Variants in GNA14 observed in about 807,000 individuals in gnomAD.
GNA14 encodes guanine nucleotide-binding protein subunit alpha-14.
GNA14 carries 50 observed loss-of-function variants against 42.0 expected under a neutral mutation model. That is an observed-to-expected ratio of 1.19 (90% CI 0.95 to 1.51). GNA14 has a LOEUF of 1.51. Among genes scored for constraint, GNA14 ranks in the 40% most tolerant of loss-of-function variants. The probability of loss-of-function intolerance (pLI) is 0.00; values close to 1 mark genes in which losing one functional copy is unlikely to be tolerated. For missense variants in GNA14, 473 were observed against 446.2 expected, an observed-to-expected ratio of 1.06 and a Z score of -0.54; for synonymous variants, 173 against 163.1, an observed-to-expected ratio of 1.06 and a Z score of -0.46.
At chr9:77,570,155 T>C (rs949764205) in intron 1 of GNA14, among the ~76,000 whole-genome samples, 1 of 152,148 alleles carries the variant, frequency 6.6e-6, no homozygotes, top group African/African-American at 2.4e-5. Context: ...AAGTTAACTT[T>C]AAACTAAACA....
chr9:77,471,890 G>A (rs1390394096), intron 2 of GNA14, among the ~76,000 whole-genome samples: 2 of 152,090 alleles, frequency 1.3e-5, no homozygotes, highest in African/African-American at 4.8e-5. Flanking sequence ...ATTATGAGCA[G>A]GTATAAACAA....
intron 1 of GNA14, among the ~76,000 whole-genome samples, chr9:77,588,567 T>C (rs1242763818): frequency 6.6e-6 from 1 of 152,030 alleles, no homozygotes. Flanking sequence ...AAGGAAAGTT[T>C]AAAGCCTTTA....
chr9:77,550,999 T>G (rs1249283042), intron 1 of GNA14, among the ~76,000 whole-genome samples: 1 of 152,248 alleles, frequency 6.6e-6, no homozygotes, highest in African/African-American at 2.4e-5. Context: ...ATTTTCCTGA[T>G]GAGGAATATC....
At chr9:77,473,433 G>C (rs1159311421) in intron 2 of GNA14, among the ~76,000 whole-genome samples, 2 of 152,098 alleles carry the variant, frequency 1.3e-5, no homozygotes, top group Non-Finnish European at 2.9e-5. Context: ...TCAAGCCTGA[G>C]TGACAGAGCC....
At chr9:77,641,459 C>T (rs1234607045) in intron 1 of GNA14, among the ~76,000 whole-genome samples, 2 of 151,624 alleles carry the variant, frequency 1.3e-5, no homozygotes, top group Non-Finnish European at 2.9e-5. Flanking sequence ...CCTCCAGATG[C>T]CACCCCCGAG....
At chr9:77,562,016 T>C (rs758185990) in intron 1 of GNA14, among the ~76,000 whole-genome samples, 5 of 152,194 alleles carry the variant, frequency 3.3e-5, no homozygotes, top group Non-Finnish European at 7.3e-5. Flanking sequence ...TTCTTTGAAG[T>C]GTCAAAGTCT....
chr9:77,540,592 G>A (rs183603491), intron 1 of GNA14, among the ~76,000 whole-genome samples: 1 of 152,132 alleles, frequency 6.6e-6, no homozygotes, highest in Admixed American at 6.5e-5. Context: ...TACTATTATT[G>A]TACTGGAGTC....
intron 2 of GNA14, among the ~76,000 whole-genome samples, chr9:77,448,474 C>T (rs577276396): frequency 2.2e-4 from 33 of 152,276 alleles, no homozygotes; most frequent in African/African-American, 6.0e-4. Context: ...GTGTTCTGAG[C>T]GCATTTAGCA....
intron 1 of GNA14, among the ~76,000 whole-genome samples, chr9:77,593,618 C>T (rs1249451524): frequency 6.6e-6 from 1 of 152,160 alleles, no homozygotes; most frequent in Non-Finnish European, 1.5e-5. Flanking sequence ...CTTTTGAAGG[C>T]TGAAGGAGAT....
chr9:77,485,979 A>G (rs1424020640), intron 2 of GNA14, among the ~76,000 whole-genome samples: 1 of 152,144 alleles, frequency 6.6e-6, no homozygotes, highest in African/African-American at 2.4e-5. Flanking sequence ...TTCCAACTTA[A>G]TGTCTCCAGC....
intron 1 of GNA14, among the ~76,000 whole-genome samples, chr9:77,583,898 A>G (rs937431587): frequency 1.3e-5 from 2 of 152,146 alleles, no homozygotes; most frequent in African/African-American, 4.8e-5. Flanking sequence ...CCACTAGTGG[A>G]CCCAAAAGAT....
chr9:77,539,874 T>C (rs1019744903), intron 1 of GNA14, among the ~76,000 whole-genome samples: 3 of 152,068 alleles, frequency 2.0e-5, no homozygotes, highest in Admixed American at 2.0e-4. Flanking sequence ...TTTATTTGGG[T>C]TTTCTCTCTT....
At chr9:77,509,573 C>A (rs1439413755) in intron 2 of GNA14, among the ~76,000 whole-genome samples, 1 of 152,058 alleles carries the variant, frequency 6.6e-6, no homozygotes, top group African/African-American at 2.4e-5. Flanking sequence ...TGTAAAAAAT[C>A]TGATCATTTT....
intron 1 of GNA14, among the ~76,000 whole-genome samples, chr9:77,639,441 C>A (rs1824224743): frequency 6.6e-6 from 1 of 152,168 alleles, no homozygotes; most frequent in African/African-American, 2.4e-5. Context: ...GTGGAAAAGC[C>A]TATATTTTAA....
In GNA14 at chr9:77,536,506, A is replaced by G. The variant is rs936249450; in HGVS notation, c.125-7253T>C. On this transcript the variant is annotated intron_variant, in intron 1 of 6. Transcript: ENST00000341700. The stretch of plus-strand genomic sequence containing the variant: ...GCTGGGATTACAAGCATGCGCCACC[A>G]CACCTGGCTAATTTTTGTATTTTTA... Among the ~76,000 whole-genome samples, 8 of 152,072 alleles carry G rather than the reference A, an allele frequency of 5.3e-5. No homozygotes were observed. The South Asian group carries it at 1.7e-3, about 32-fold the overall frequency.
intron 1 of GNA14, among the ~76,000 whole-genome samples, chr9:77,541,468 T>C (rs1004796407): frequency 6.6e-6 from 1 of 152,196 alleles, no homozygotes; most frequent in Admixed American, 6.5e-5. Context: ...GTTAGAATCC[T>C]CTCATTGTCA....
chr9:77,517,136 C>A lies in GNA14; in HGVS notation c.309+11933G>T, dbSNP rs533087778. Reference sequence around the variant, plus strand: ...CCAAATTTAACAGAAATCAAGCAACCTGAAAAATATCATGGGAATTCTTCC... The same window carrying A: ...CCAAATTTAACAGAAATCAAGCAACATGAAAAATATCATGGGAATTCTTCC... On this transcript the variant is annotated intron_variant, in intron 2 of 6. Coordinates refer to ENST00000341700, the MANE Select transcript of GNA14 (RefSeq NM_004297.4). 7.2e-5 allele frequency among the ~76,000 whole-genome samples: 11 copies of A among 152,278 alleles called. No individual in the cohort carries two copies. In the East Asian group the frequency reaches 2.1e-3, roughly 29 times the overall value.
chr9:77,627,858 C>G (rs545768754), intron 1 of GNA14, among the ~76,000 whole-genome samples: 2 of 152,162 alleles, frequency 1.3e-5, no homozygotes, highest in South Asian at 4.2e-4. Context: ...CTCTCACCAC[C>G]CCTATTCAAC....
chr9:77,450,420 C>A (rs1388971688), intron 2 of GNA14, among the ~76,000 whole-genome samples: 2 of 152,116 alleles, frequency 1.3e-5, no homozygotes, highest in Admixed American at 6.6e-5. Context: ...GGCTTACATG[C>A]CGCATCAAAG....
Sources: allele counts gnomAD v4.1 joint callset (sites outside exome capture counted in the v4.1 genomes callset), GRCh38; gene constraint gnomAD v4.1.1; transcripts MANE v1.5; gene names NCBI Gene and HGNC (gene_info 2026-07-23, HGNC 2026-07-21).